Variants in PNLIPRP3 observed in about 807,000 individuals in gnomAD.
PNLIPRP3 encodes pancreatic lipase related protein 3, also known as pancreatic lipase-related protein 3.
A neutral mutation model predicts 52.8 loss-of-function variants in PNLIPRP3; 58 were observed. The ratio of observed to expected loss-of-function variants is 1.10; its 90% CI spans 0.89 to 1.37. The LOEUF (loss-of-function observed/expected upper bound fraction) is 1.37, where lower values mean the gene tolerates loss of function less well. Ranked by LOEUF, PNLIPRP3 falls within the 40% of genes most tolerant of loss-of-function variation. The probability of loss-of-function intolerance (pLI) is 0.00; values close to 1 mark genes in which losing one functional copy is unlikely to be tolerated. For synonymous variants in PNLIPRP3, 192 were observed against 185.0 expected (o/e 1.04, Z -0.31); for missense variants, 593 against 561.6 (o/e 1.06, Z -0.57).
At chr10:116,447,432 A>T (rs1845969280) in intron 4 of PNLIPRP3, among the ~76,000 whole-genome samples, 1 of 152,216 alleles carries the variant, frequency 6.6e-6, no homozygotes, top group South Asian at 2.1e-4. Context: ...AAATGAAGAA[A>T]CAATATATAC....
intron 4 of PNLIPRP3, among the ~76,000 whole-genome samples, chr10:116,444,851 C>A (rs965000541): frequency 6.6e-6 from 1 of 152,168 alleles, no homozygotes; most frequent in Admixed American, 6.5e-5. Flanking sequence ...TACCATCCTT[C>A]AAATATTATT....
At chr10:116,431,453 G>GT (rs137983090) in intron 1 of PNLIPRP3, among the ~76,000 whole-genome samples, 13,635 of 151,780 alleles carry the variant, frequency 0.09, 745 homozygotes, top group East Asian at 0.19. Flanking sequence ...AAATGTTAGG[G>GT]TTTTTTTTAT....
intron 3 of PNLIPRP3, among the ~76,000 whole-genome samples, chr10:116,444,040 G>C (rs1430553062): frequency 6.6e-6 from 1 of 151,664 alleles, no homozygotes; most frequent in African/African-American, 2.4e-5. Context: ...TTACAATCAC[G>C]GCGGAAGGCA....
rs989021 is a variant in PNLIPRP3, at chr10:116,466,194, T to G, written c.927+26T>G. 912 of 1,516,932 alleles carry G rather than the reference T, an allele frequency of 6.0e-4. 7 individuals carry two copies. In the African/African-American group the frequency reaches 0.012, roughly 19 times the overall value. The allele number at this position is 1,516,932 out of a possible 1,614,324, so 94.0% of individuals were successfully genotyped here. On this transcript the variant is annotated intron_variant, in intron 8 of 11. Transcript: ENST00000369230. ...GTAAGTAAATCATCTTACTTGGAAT[T>G]TAATTATAAAGTAATTTTTTGAAAC...
chr10:116,442,672 T>G (rs1247962947), intron 2 of PNLIPRP3, among the ~76,000 whole-genome samples: 1 of 152,140 alleles, frequency 6.6e-6, no homozygotes, highest in Non-Finnish European at 1.5e-5. Context: ...AAGATCACCC[T>G]AGGCAACATA....
chr10:116,451,558 T>C (rs1846038009), intron 4 of PNLIPRP3, among the ~76,000 whole-genome samples: 2 of 152,170 alleles, frequency 1.3e-5, no homozygotes, highest in African/African-American at 2.4e-5. Context: ...CTTAGTGCCA[T>C]CCTCTTGATG....
intron 4 of PNLIPRP3, 126 bp downstream of exon 4, chr10:116,444,639 C>A: frequency 1.0e-6 from 1 of 983,326 alleles, no homozygotes. Context: ...AAATAATAAG[C>A]ATTTGTATAT....
At chr10:116,461,381 C>G in intron 7 of PNLIPRP3, 91 bp downstream of exon 7, 3 of 1,407,420 alleles carry the variant, frequency 2.1e-6, no homozygotes, top group Non-Finnish European at 2.9e-6. Flanking sequence ...GTATAATATA[C>G]ATATAAAATG....
Position 116,476,259 on chromosome 10 carries a change from A to G in PNLIPRP3, c.1173-393A>G, listed in dbSNP as rs149373208. Among the ~76,000 whole-genome samples, 70 of 152,308 alleles carry G rather than the reference A, an allele frequency of 4.6e-4. 1 individual carries two copies. In the East Asian group the frequency reaches 9.5e-3, roughly 21 times the overall value. The stretch of plus-strand genomic sequence containing the variant: ...GAAGGGAGGTATTTCCACACTGTGA[A>G]TTGGTGAACAGGCTCCTGGTTTGTA... On this transcript the variant is annotated intron_variant, in intron 10 of 11. Coordinates refer to ENST00000369230, the MANE Select transcript of PNLIPRP3 (RefSeq NM_001011709.3).
chr10:116,446,345 C>CAAAA (rs35901373), intron 4 of PNLIPRP3, among the ~76,000 whole-genome samples: 3 of 65,884 alleles, frequency 4.6e-5, no homozygotes, highest in African/African-American at 1.3e-4. Context: ...CGCTGCGTCT[C>CAAAA]AAAAAAAAAA....
chr10:116,443,266 A>G (rs949429945), intron 3 of PNLIPRP3, 92 bp downstream of exon 3: 46 of 1,293,638 alleles, frequency 3.6e-5, no homozygotes, highest in Non-Finnish European at 4.6e-5. Flanking sequence ...ATATTCATGG[A>G]AATCTTCCAT....
intron 1 of PNLIPRP3, among the ~76,000 whole-genome samples, chr10:116,429,405 G>C (rs1190488770): frequency 6.6e-6 from 1 of 152,156 alleles, no homozygotes; most frequent in East Asian, 1.9e-4. Context: ...TAAAATGCTT[G>C]GCATGGGATT....
intron 2 of PNLIPRP3, among the ~76,000 whole-genome samples, chr10:116,437,617 G>A (rs1845793865): frequency 1.3e-5 from 2 of 152,082 alleles, no homozygotes; most frequent in Admixed American, 6.6e-5. Flanking sequence ...TAAGCCATGG[G>A]GCCCCATTGA....
At position 116,443,132 on chromosome 10, in the gene PNLIPRP3, T is replaced by C; in HGVS notation, c.282T>C (p.Ala94=). 6.2e-7 allele frequency: 1 copy of C among 1,611,674 alleles called. No homozygotes were observed. ...GTDKITRINI[A]GWKTDGKWQR... ...ACAAGATCACCCGTATCAACATAGC[T>C]GGATGGAAAACAGATGGCAAATGGC... The change falls in exon 3 of 12, where the codon GCT becomes GCC. Residue 94 remains alanine (A), a synonymous_variant. Transcript: ENST00000369230.
At chr10:116,448,252 G>GTA (rs1845984703) in intron 4 of PNLIPRP3, among the ~76,000 whole-genome samples, 1 of 152,042 alleles carries the variant, frequency 6.6e-6, no homozygotes, top group Non-Finnish European at 1.5e-5. Flanking sequence ...TAAAAAAGAC[G>GTA]TAATTATGAC....
At position 116,455,726 on chromosome 10, in the gene PNLIPRP3, A is replaced by T. The variant is rs368840270; in HGVS notation, c.461A>T (p.Lys154Ile). 47 of 1,612,242 alleles carry T rather than the reference A, an allele frequency of 2.9e-5. No homozygotes were observed. The highest frequency in any genetic ancestry group is 1.6e-4 in the Middle Eastern group (1 of 6,078). Residue 154 changes from lysine to isoleucine, a missense_variant, in exon 5 of 12, where the codon AAA (lysine) becomes ATA (isoleucine). By Grantham distance (102) the Lys-to-Ile change is moderately radical. Coordinates refer to ENST00000369230, the MANE Select transcript of PNLIPRP3 (RefSeq NM_001011709.3). ...VAYFIDVLMK[K>I]FEYSPSKVHL... ...TCTGTTAAACAATTCTTTCAGAAAA[A>T]ATTTGAATATTCCCCTTCTAAAGTG...
intron 10 of PNLIPRP3, among the ~76,000 whole-genome samples, chr10:116,474,474 C>T (rs943748735): frequency 3.9e-5 from 6 of 152,150 alleles, no homozygotes; most frequent in Non-Finnish European, 7.3e-5. Flanking sequence ...TAAAGAGCTT[C>T]GACACAGCAA....
intron 4 of PNLIPRP3, 86 bp from the exon 5 acceptor site, chr10:116,455,636 T>TA: frequency 2.6e-6 from 2 of 765,266 alleles, no homozygotes; most frequent in African/African-American, 2.9e-5. Flanking sequence ...ACCATGTTGA[T>TA]CCTTTTTTTT....
chr10:116,454,245 A>G (rs1266086428), intron 4 of PNLIPRP3, among the ~76,000 whole-genome samples: 6 of 151,898 alleles, frequency 4.0e-5, no homozygotes, highest in Non-Finnish European at 8.8e-5. Flanking sequence ...CAGCTTACTG[A>G]GTAGCTGGGA....
Sources: gnomAD v4.1 joint callset for allele counts (sites outside exome capture counted in the v4.1 genomes callset) on GRCh38, gnomAD v4.1.1 for gene constraint, MANE v1.5 for transcripts, NCBI Gene and HGNC (gene_info 2026-07-23, HGNC 2026-07-21) for gene names.